ANKRD10: variants seen among roughly 807,000 people sequenced by gnomAD.
ANKRD10 encodes ankyrin repeat domain 10, also known as ankyrin repeat domain-containing protein 10.
Under a neutral mutation model 27.0 loss-of-function variants are expected in ANKRD10, and 14 were observed. The ratio of observed to expected loss-of-function variants is 0.52; its 90% CI spans 0.34 to 0.81. ANKRD10 has a LOEUF of 0.81. ANKRD10 is among the 40% of genes least tolerant of loss of function. The pLI is 0.01. For missense variants in ANKRD10, 493 were observed against 544.0 expected (o/e 0.91, Z 0.93); for synonymous variants, 250 against 224.5 (o/e 1.11, Z -1.01).
intron 3 of ANKRD10, among the ~76,000 whole-genome samples, chr13:110,897,175 G>C (rs1367558925): frequency 6.6e-6 from 1 of 151,886 alleles, no homozygotes; most frequent in African/African-American, 2.4e-5. Flanking sequence ...TGCCCCAGCT[G>C]GAGTGCAGTG....
rs1594519290 is a variant in ANKRD10 at position 110,879,350 on chromosome 13, T to G, written c.*287A>C. ...TTTAACAAAAAGAAAAATGGCAATATCTGGTGACAGTATTAAAAAGACAAT... is the reference window on the plus strand; with the variant it reads ...TTTAACAAAAAGAAAAATGGCAATAGCTGGTGACAGTATTAAAAAGACAAT... On this transcript the variant is annotated 3_prime_UTR_variant, in exon 6 of 6. Coordinates refer to ENST00000267339, the MANE Select transcript of ANKRD10 (RefSeq NM_017664.4). 2.8e-6 allele frequency: 1 copy of G among 353,804 alleles called. No individual in the cohort carries two copies. The highest frequency in any genetic ancestry group is 4.6e-5 in the East Asian group (1 of 21,918). The allele number at this position is 353,804 out of a possible 1,614,324, so 21.9% of individuals were successfully genotyped here.
At chr13:110,912,891 C>T (rs577031806) in intron 1 of ANKRD10, among the ~76,000 whole-genome samples, 4 of 152,268 alleles carry the variant, frequency 2.6e-5, no homozygotes, top group Non-Finnish European at 5.9e-5. Context: ...TTTCTAAGGC[C>T]CCTTCCGTAT....
chr13:110,883,599 T>C (rs1289384688), intron 5 of ANKRD10, 99 bp downstream of exon 5: 1 of 1,556,710 alleles, frequency 6.4e-7, no homozygotes, highest in African/African-American at 1.4e-5. Flanking sequence ...ACAGTATATA[T>C]TTCTATTTCT....
chr13:110,893,854 T>C (rs2065148227), intron 3 of ANKRD10, among the ~76,000 whole-genome samples: 1 of 152,236 alleles, frequency 6.6e-6, no homozygotes, highest in Non-Finnish European at 1.5e-5. Flanking sequence ...TTGGCCTTGC[T>C]TGGGAAAACC....
chr13:110,881,949 C>G (rs1322050330), intron 5 of ANKRD10, among the ~76,000 whole-genome samples: 1 of 152,190 alleles, frequency 6.6e-6, no homozygotes, highest in Non-Finnish European at 1.5e-5. Flanking sequence ...CTCCCTTCCT[C>G]TGCTCCCAGC....
At chr13:110,901,935 C>G (rs544829754) in intron 3 of ANKRD10, among the ~76,000 whole-genome samples, 6 of 150,766 alleles carry the variant, frequency 4.0e-5, no homozygotes, top group Admixed American at 3.3e-4. Flanking sequence ...CCTGGCTACT[C>G]AAGAATCTGA....
chr13:110,902,704 C>G (rs2065418791), intron 3 of ANKRD10, among the ~76,000 whole-genome samples: 1 of 152,174 alleles, frequency 6.6e-6, no homozygotes, highest in African/African-American at 2.4e-5. Context: ...TCAAGAAATC[C>G]TCTCCTGTAG....
intron 3 of ANKRD10, chr13:110,900,773 C>T: frequency 3.1e-6 from 3 of 961,890 alleles, no homozygotes; most frequent in Non-Finnish European, 4.4e-6. Context: ...GTTCATAATA[C>T]AGGAAACTTA....
In ANKRD10 at chr13:110,893,218, G is replaced by T. The variant is rs2065130768; in HGVS notation, c.501C>A (p.Thr167=). 6.2e-7 allele frequency: 1 copy of T among 1,614,132 alleles called. No homozygotes were observed. Among genetic ancestry groups the T allele is most frequent in the Non-Finnish European group, 8.5e-7 (1 of 1,180,014 alleles). Residue 167 remains threonine, a synonymous_variant, in exon 4 of 6, where the codon ACC becomes ACA. Transcript: ENST00000267339. ...SGLTAADIAQ[T]QGFQECAQFL... ...ACTGGGCACACTCTTGGAAACCCTG[G>T]GTTTGTGCAATGTCTGCTGCTGTCA... is the stretch of plus-strand genomic sequence containing the variant.
chr13:110,910,392 AT>A (rs1447914676), intron 2 of ANKRD10, among the ~76,000 whole-genome samples: 1 of 152,210 alleles, frequency 6.6e-6, no homozygotes, highest in African/African-American at 2.4e-5. Context: ...ATCACCCTGG[AT>A]CAGTTTATCA....
chr13:110,880,648 C>T (rs1277739089), intron 5 of ANKRD10, among the ~76,000 whole-genome samples: 2 of 152,176 alleles, frequency 1.3e-5, no homozygotes, highest in African/African-American at 4.8e-5. Context: ...ATCTTCTCTC[C>T]TCATAAATCA....
At chr13:110,883,589 A>C (rs781365276) in intron 5 of ANKRD10, 109 bp downstream of exon 5, 3 of 1,501,790 alleles carry the variant, frequency 2.0e-6, no homozygotes, top group South Asian at 2.8e-5. Flanking sequence ...CATTGCTGAC[A>C]CAGTATATAT....
intron 3 of ANKRD10, chr13:110,904,380 A>C (rs1427391755): frequency 6.6e-6 from 1 of 151,306 alleles, no homozygotes; most frequent in Admixed American, 6.6e-5. Context: ...AAAGATTCTC[A>C]TTTTTTAAAA....
In ANKRD10 at chr13:110,906,064, T is replaced by C. The variant is rs765663648; in HGVS notation, c.424A>G (p.Ser142Gly). 2 of 1,603,862 alleles carry C rather than the reference T, an allele frequency of 1.2e-6. No homozygotes were observed. Among genetic ancestry groups the C allele is most frequent in the East Asian group, 2.2e-5 (1 of 44,836 alleles). ...TGAGCCCCATTCGCCACAAGGGCAC[T>C]GATGCATTCTAGGCTCCCAGAGCGA... Reference protein sequence around the residue: ...AARSGSLECISALVANGAHVD... With the variant: ...AARSGSLECIGALVANGAHVD... Residue 142 changes from serine (S) to glycine (G), a missense_variant, in exon 3 of 6, where the codon AGT (serine) becomes GGT (glycine). Physicochemically the swap from Ser to Gly is moderately conservative, Grantham distance 56. Transcript: ENST00000267339.
intron 4 of ANKRD10, among the ~76,000 whole-genome samples, chr13:110,889,792 A>G (rs1156305201): frequency 6.6e-6 from 1 of 152,206 alleles, no homozygotes; most frequent in Non-Finnish European, 1.5e-5. Flanking sequence ...GGAAGTAATT[A>G]CTTTTGTAAA....
intron 4 of ANKRD10, among the ~76,000 whole-genome samples, chr13:110,887,578 G>A (rs9521975): frequency 0.34 from 51,896 of 152,108 alleles, 9,355 homozygotes; most frequent in South Asian, 0.42. Context: ...TTTGGGATAT[G>A]AAGTGCTCCA....
intron 3 of ANKRD10, among the ~76,000 whole-genome samples, chr13:110,904,581 T>C (rs2065475327): frequency 1.3e-5 from 2 of 152,250 alleles, no homozygotes; most frequent in Admixed American, 6.5e-5. Flanking sequence ...AATCATGTTA[T>C]GACTCCGTAT....
chr13:110,892,031 G>A (rs77678355), intron 4 of ANKRD10, among the ~76,000 whole-genome samples: 11,572 of 150,580 alleles, frequency 0.077, 575 homozygotes, highest in Non-Finnish European at 0.11. Flanking sequence ...CTTATATATA[G>A]ATATAGATGA....
At chr13:110,891,615 T>C (rs1182229576) in intron 4 of ANKRD10, among the ~76,000 whole-genome samples, 2 of 152,198 alleles carry the variant, frequency 1.3e-5, no homozygotes, top group African/African-American at 2.4e-5. Context: ...ACTCATTAAA[T>C]AAGGTAGAAA....
Sources: gnomAD v4.1 joint callset for allele counts (sites outside exome capture counted in the v4.1 genomes callset) on GRCh38, gnomAD v4.1.1 for gene constraint, MANE v1.5 for transcripts, NCBI Gene and HGNC (gene_info 2026-07-23, HGNC 2026-07-21) for gene names.